Variants in WNK1 observed in about 807,000 individuals in gnomAD.
WNK1 encodes serine/threonine-protein kinase WNK1.
A neutral mutation model predicts 222.8 loss-of-function variants in WNK1; 38 were observed. The ratio of observed to expected loss-of-function variants is 0.17; its 90% CI spans 0.13 to 0.22. The LOEUF (loss-of-function observed/expected upper bound fraction) is 0.22, where lower values mean the gene tolerates loss of function less well. Among genes scored for constraint, WNK1 ranks in the 10% least tolerant of loss-of-function variants. The probability of loss-of-function intolerance (pLI) is 1.00; values close to 1 mark genes in which losing one functional copy is unlikely to be tolerated. For synonymous variants in WNK1, 1,090 were observed against 1,092.9 expected (o/e 1.00, Z 0.05); for missense variants, 2,348 against 2,918.4 (o/e 0.80, Z 4.50).
In WNK1 at chr12:880,973, A is replaced by G. The variant is rs1286536747; in HGVS notation, c.3085A>G (p.Thr1029Ala). 6.2e-6 allele frequency: 10 copies of G among 1,614,020 alleles called. No individual in the cohort carries two copies. In the East Asian group the frequency reaches 8.9e-5, roughly 14 times the overall value. ...PGGSLAQAPT[T>A]SSQQAVLEST... ...AGGGAGTTTAGCACAAGCCCCCACT[A>G]CATCCTCCCAGCAAGCAGTTTTGGA... Residue 1029 changes from threonine to alanine, a missense_variant, in exon 12 of 28, where the codon ACA becomes GCA. Thr to Ala is a moderately conservative substitution (Grantham distance 58). Coordinates refer to ENST00000315939, the MANE Select transcript of WNK1 (RefSeq NM_018979.4).
intron 1 of WNK1, among the ~76,000 whole-genome samples, chr12:807,129 T>G (rs1225850250): frequency 6.6e-6 from 1 of 150,812 alleles, no homozygotes; most frequent in Non-Finnish European, 1.5e-5. Flanking sequence ...GGGGGGTTGG[T>G]GTGGGGAGTG....
At chr12:860,652 T>C (rs1315389978) in intron 6 of WNK1, among the ~76,000 whole-genome samples, 1 of 152,224 alleles carries the variant, frequency 6.6e-6, no homozygotes, top group African/African-American at 2.4e-5. Context: ...CACAGGTTAA[T>C]GTTAGTGGTT....
intron 8 of WNK1, among the ~76,000 whole-genome samples, chr12:863,313 G>C (rs1437112216): frequency 6.6e-6 from 1 of 152,062 alleles, no homozygotes; most frequent in Non-Finnish European, 1.5e-5. Context: ...GTTTAATCCT[G>C]CTTTGGCTAG....
intron 22 of WNK1, among the ~76,000 whole-genome samples, chr12:893,938 C>T (rs532978603): frequency 6.6e-6 from 1 of 151,996 alleles, no homozygotes; most frequent in Admixed American, 6.6e-5. Flanking sequence ...TGGATCTTGG[C>T]TGGACATGGT....
intron 22 of WNK1, among the ~76,000 whole-genome samples, chr12:891,060 T>C (rs969610495): frequency 5.3e-5 from 8 of 152,130 alleles, no homozygotes; most frequent in Non-Finnish European, 8.8e-5. Flanking sequence ...GTATGTACAA[T>C]GAAAATAATA....
intron 26 of WNK1, among the ~76,000 whole-genome samples, chr12:907,038 A>AAAAAAAAAAAAAAAAAAAAC (rs1555163543): frequency 7.1e-6 from 1 of 139,874 alleles, no homozygotes. Context: ...AAAAAAAAAA[A>AAAAAAAAAAAAAAAAAAAAC]GCCGGGCGTG....
At chr12:820,466 G>GTTTTTTT (rs3072715) in intron 2 of WNK1, among the ~76,000 whole-genome samples, 3 of 89,156 alleles carry the variant, frequency 3.4e-5, no homozygotes, top group Non-Finnish European at 6.5e-5. Context: ...ATTCTTTGGG[G>GTTTTTTT]TTTTTTTTTT....
At chr12:868,239 C>G (rs920832006) in intron 8 of WNK1, 2 of 1,604,764 alleles carry the variant, frequency 1.2e-6, no homozygotes, top group African/African-American at 1.3e-5. Context: ...CTAGTACTTC[C>G]AGAAGAAGCT....
chr12:868,719 A>G, intron 8 of WNK1: 1 of 1,613,900 alleles, frequency 6.2e-7, no homozygotes, highest in Non-Finnish European at 8.5e-7. Flanking sequence ...GTTGCAGTGG[A>G]CTTGAATCAA....
intron 4 of WNK1, among the ~76,000 whole-genome samples, chr12:836,029 G>A (rs1252600119): frequency 6.6e-6 from 1 of 152,086 alleles, no homozygotes; most frequent in Non-Finnish European, 1.5e-5. Flanking sequence ...AGGGTGAGAA[G>A]CTGAACTAGG....
At chr12:770,431 AATG>A (rs1369127544) in intron 1 of WNK1, among the ~76,000 whole-genome samples, 11 of 152,204 alleles carry the variant, frequency 7.2e-5, no homozygotes, top group Middle Eastern at 3.2e-3. Flanking sequence ...TACATATTGA[AATG>A]ATGATGTTTA....
rs4766334 is a variant in WNK1 at position 908,031 on chromosome 12, C to T, written c.6828C>T (p.Tyr2276=). The part of the protein sequence containing the change: ...GRRGSKGHMN[Y]EGPGMARKFS... ...GAGGAAGCAAAGGGCACATGAATTA[C>T]GAGGTAAGTCTCTCTTTTGCCGCAG... Residue 2276 remains tyrosine, a synonymous_variant, in exon 27 of 28, where the codon TAC becomes TAT. Transcript: ENST00000315939. 1,610,593 of 1,614,094 alleles carry T rather than the reference C, an allele frequency of 1. 803,609 individuals are homozygous for T. The highest frequency in any genetic ancestry group is 1 in the East Asian group (44,878 of 44,878).
At chr12:801,120 A>T (rs1945826598) in intron 1 of WNK1, among the ~76,000 whole-genome samples, 1 of 152,110 alleles carries the variant, frequency 6.6e-6, no homozygotes. Context: ...TTTGCATTTA[A>T]TATTTTATTT....
chr12:781,962 A>G (rs1017036211), intron 1 of WNK1, among the ~76,000 whole-genome samples: 6 of 152,130 alleles, frequency 3.9e-5, no homozygotes, highest in African/African-American at 1.4e-4. Context: ...TTCTGGCAAT[A>G]TTAATATTTG....
At chr12:868,127 A>G in intron 8 of WNK1, 1 of 1,614,022 alleles carries the variant, frequency 6.2e-7, no homozygotes, top group Non-Finnish European at 8.5e-7. Flanking sequence ...GGCCGTAGTT[A>G]TGTTGGGTAC....
intron 25 of WNK1, 32 bp downstream of exon 25, chr12:897,713 T>C: frequency 6.2e-7 from 1 of 1,605,204 alleles, no homozygotes; most frequent in Non-Finnish European, 8.5e-7. Context: ...CAGCCACAGC[T>C]GTCCTATCTT....
At chr12:859,125 C>T (rs1251746314) in intron 5 of WNK1, 120 bp from the exon 6 acceptor site, 1 of 833,612 alleles carries the variant, frequency 1.2e-6, no homozygotes, top group Non-Finnish European at 2.0e-6. Context: ...TATACTTTCC[C>T]CTGTATTTTT....
intron 4 of WNK1, among the ~76,000 whole-genome samples, chr12:850,109 T>C (rs1289697155): frequency 2.6e-5 from 4 of 152,096 alleles, no homozygotes; most frequent in Non-Finnish European, 5.9e-5. Flanking sequence ...GGTCAAATGG[T>C]ATTTCTAGTT....
intron 8 of WNK1, among the ~76,000 whole-genome samples, chr12:862,870 T>A (rs1165764662): frequency 6.6e-6 from 1 of 152,246 alleles, no homozygotes; most frequent in African/African-American, 2.4e-5. Context: ...AGTTGGTAAC[T>A]GTTTTATTAC....
Sources: allele counts gnomAD v4.1 joint callset (sites outside exome capture counted in the v4.1 genomes callset), GRCh38; gene constraint gnomAD v4.1.1; transcripts MANE v1.5; gene names NCBI Gene and HGNC (gene_info 2026-07-23, HGNC 2026-07-21).